Variants in RABL6 observed in about 807,000 individuals in gnomAD.
RABL6 encodes RAB, member RAS oncogene family like 6.
A neutral mutation model predicts 72.9 loss-of-function variants in RABL6; 28 were observed. That is an observed-to-expected ratio of 0.38 (90% CI 0.28 to 0.53). The LOEUF (loss-of-function observed/expected upper bound fraction) is 0.53. Ranked by LOEUF, RABL6 falls within the 20% of genes least tolerant of loss-of-function variation. RABL6 has a pLI of 0.80. For missense variants in RABL6, 1,029 were observed against 1,008.4 expected (o/e 1.02, Z -0.28); for synonymous variants, 477 against 421.2 (o/e 1.13, Z -1.62).
At chr9:136,815,943 T>TTAAGTACAGG (rs1190857639) in intron 1 of RABL6, among the ~76,000 whole-genome samples, 10 of 152,184 alleles carry the variant, frequency 6.6e-5, no homozygotes, top group African/African-American at 2.4e-4. Flanking sequence ...TACCATGAGG[T>TTAAGTACAGG]TAAGTACAGG....
rs11145898 is a variant in RABL6 at position 136,829,705 on chromosome 9, G to A, written c.458+221G>A. On this transcript the variant is annotated intron_variant, in intron 5 of 14. Transcript: ENST00000311502. Reference sequence around the variant, plus strand: ...CCTATGGGGCGGGATGGCGTGGGCCGGCTGCAAAAGGCATCTGGGGCAAGG... The same window carrying A: ...CCTATGGGGCGGGATGGCGTGGGCCAGCTGCAAAAGGCATCTGGGGCAAGG... Among the ~76,000 whole-genome samples the A allele has an allele frequency of 1.4e-3, 211 of 152,360 alleles. 3 individuals are homozygous for A. In the East Asian group the frequency reaches 0.034, roughly 25 times the overall value.
intron 7 of RABL6, among the ~76,000 whole-genome samples, chr9:136,834,736 C>G (rs957239204): frequency 5.9e-5 from 9 of 152,094 alleles, no homozygotes; most frequent in South Asian, 2.1e-4. Context: ...CTTGGCCCCC[C>G]CAAAGTGCTG....
intron 1 of RABL6, chr9:136,814,061 CGA>C: frequency 2.6e-6 from 1 of 381,898 alleles, no homozygotes; most frequent in South Asian, 2.3e-5. Context: ...TTCAAACCAG[CGA>C]GTTCCAAGGC....
chr9:136,817,082 A>G (rs1848134646), intron 1 of RABL6, among the ~76,000 whole-genome samples: 1 of 152,232 alleles, frequency 6.6e-6, no homozygotes, highest in African/African-American at 2.4e-5. Context: ...TTTGAAAAAG[A>G]AACAGAATGA....
At chr9:136,838,886 C>T in intron 10 of RABL6, 23 bp from the exon 11 acceptor site, 3 of 1,529,984 alleles carry the variant, frequency 2.0e-6, no homozygotes, top group Non-Finnish European at 2.6e-6. Context: ...TGGCCCTTGA[C>T]CGCTTTGCCC....
At chr9:136,822,198 G>GC in intron 1 of RABL6, 1 of 910,916 alleles carries the variant, frequency 1.1e-6, no homozygotes, top group South Asian at 1.7e-5. Flanking sequence ...AAAACCTGGG[G>GC]GGGGCGTTGC....
At chr9:136,828,694 C>T in intron 4 of RABL6, 148 bp downstream of exon 4, 1 of 776,956 alleles carries the variant, frequency 1.3e-6, no homozygotes, top group African/African-American at 1.8e-5. Flanking sequence ...GCTCTGAAAA[C>T]CCCACACTGC....
chr9:136,839,657 G>T (rs559230841), intron 12 of RABL6, 37 bp from the exon 13 acceptor site: 2 of 1,554,594 alleles, frequency 1.3e-6, no homozygotes, highest in Admixed American at 3.6e-5. Context: ...GGGTGTGGGA[G>T]GGATGATGGC....
At chr9:136,833,079 C>G in intron 7 of RABL6, 1 of 298,502 alleles carries the variant, frequency 3.4e-6, no homozygotes, top group South Asian at 2.7e-5. Context: ...AACCTCCTCG[C>G]CCTGGGCTGC....
At position 136,837,479 on chromosome 9, in the gene RABL6, G is replaced by A. The variant is rs1437590053; in HGVS notation, c.943G>A (p.Gly315Ser). ...GAVSTGSSSPGTPQPAPQLPL... is the reference protein window; with the variant it reads ...GAVSTGSSSPSTPQPAPQLPL... ...TGTGTCCACGGGGAGCTCCAGCCCC[G>A]GCACACCCCAGCCCGCCCCACAGCT... Residue 315 changes from glycine (G) to serine (S), a missense_variant, in exon 9 of 15, where the codon GGC becomes AGC. Physicochemically the swap from Gly to Ser is moderately conservative, Grantham distance 56. This residue lies in a region of RABL6 where 434 missense variants were observed against 536.1 expected (regional missense o/e 0.81). Coordinates refer to ENST00000311502, the MANE Select transcript of RABL6 (RefSeq NM_024718.5). 27 of 1,550,572 alleles carry A rather than the reference G, an allele frequency of 1.7e-5. No homozygotes were observed. Among genetic ancestry groups the A allele is most frequent in the Admixed American group, 3.9e-5 (2 of 51,754 alleles).
intron 7 of RABL6, chr9:136,833,464 C>T: frequency 4.1e-6 from 2 of 493,710 alleles, no homozygotes; most frequent in Non-Finnish European, 7.3e-6. Flanking sequence ...GGACCTGTAC[C>T]TCCTCGCCCT....
At chr9:136,809,904 C>T (rs577752501) in intron 1 of RABL6, 2 of 154,900 alleles carry the variant, frequency 1.3e-5, no homozygotes, top group South Asian at 2.0e-4. Context: ...TGTCCAGGAG[C>T]TCCCAGACTC....
chr9:136,820,137 T>C (rs1848207290), intron 1 of RABL6, among the ~76,000 whole-genome samples: 1 of 147,048 alleles, frequency 6.8e-6, no homozygotes, highest in African/African-American at 2.5e-5. Context: ...AGGTGGAGGT[T>C]GCAGTTAGCT....
Position 136,839,387 on chromosome 9 carries a change from G to A in RABL6, c.1659G>A (p.Ser553=), listed in dbSNP as rs755654012. Residue 553 remains serine (S), a synonymous_variant, in exon 12 of 15, where the codon TCG becomes TCA. Coordinates refer to ENST00000311502, the MANE Select transcript of RABL6 (RefSeq NM_024718.5). ...GGAAGGGTGAGCAGGCCTCCTCGTC[G>A]GAGAGTGACCCCGAGGGACCCATTG... is the stretch of plus-strand genomic sequence containing the variant. ...EPGKGEQASS[S]ESDPEGPIAA... The A allele has an allele frequency of 6.3e-5, 101 of 1,612,462 alleles. No individual in the cohort carries two copies. The highest frequency in any genetic ancestry group is 2.2e-4 in the East Asian group (10 of 44,880).
At chr9:136,832,074 C>A in intron 6 of RABL6, 191 bp from the exon 7 acceptor site, 1 of 927,546 alleles carries the variant, frequency 1.1e-6, no homozygotes. Flanking sequence ...GGGTGAAGTG[C>A]TGGCACTGTG....
At chr9:136,815,354 C>A in intron 1 of RABL6, 1 of 277,508 alleles carries the variant, frequency 3.6e-6, no homozygotes, top group South Asian at 4.0e-5. Context: ...CTGTCACCTT[C>A]TTGGCTGGGG....
At chr9:136,821,957 G>A in intron 1 of RABL6, 1 of 1,289,348 alleles carries the variant, frequency 7.8e-7, no homozygotes, top group Non-Finnish European at 1.0e-6. Flanking sequence ...GGCCGGCGCC[G>A]AGATATGACC....
At chr9:136,815,910 C>T (rs1341624873) in intron 1 of RABL6, among the ~76,000 whole-genome samples, 1 of 152,146 alleles carries the variant, frequency 6.6e-6, no homozygotes, top group Non-Finnish European at 1.5e-5. Context: ...GTGTTCACAT[C>T]CCGTTTAGTA....
At chr9:136,814,437 C>T (rs1035303880) in intron 1 of RABL6, 1 of 153,294 alleles carries the variant, frequency 6.5e-6, no homozygotes, top group East Asian at 1.9e-4. Context: ...ACCTCAGCCT[C>T]CCAAAGTGCT....
Sources: allele counts gnomAD v4.1 joint callset (sites outside exome capture counted in the v4.1 genomes callset), GRCh38; gene constraint gnomAD v4.1.1; regional missense constraint gnomAD v4.1.1; transcripts MANE v1.5; gene names NCBI Gene and HGNC (gene_info 2026-07-23, HGNC 2026-07-21).